Variants in RPS18 observed in about 807,000 individuals in gnomAD.
RPS18 encodes the protein ribosomal protein S18.
For missense variants in RPS18, 49 were observed against 200.8 expected (o/e 0.24, Z 4.57); for synonymous variants, 64 against 70.9 (o/e 0.90, Z 0.49).
chr6:33,275,471 A>T, intron 2 of RPS18: 2 of 305,698 alleles, frequency 6.5e-6, no homozygotes, highest in Non-Finnish European at 1.3e-5. Context: ...ACCTGCCACC[A>T]TGCTCAGCAA....
chr6:33,275,598 C>A (rs551655388), intron 2 of RPS18, 199 bp from the exon 3 acceptor site: 2 of 610,012 alleles, frequency 3.3e-6, no homozygotes, highest in Non-Finnish European at 3.0e-6. Flanking sequence ...GGATTACAGG[C>A]GTGAGCCACT....
At chr6:33,275,410 C>G in intron 2 of RPS18, 1 of 213,318 alleles carries the variant, frequency 4.7e-6, no homozygotes, top group Non-Finnish European at 9.6e-6. Context: ...CCTCCACCTC[C>G]TAGGTTCAAG....
chr6:33,274,887 C>T (rs774222298), intron 2 of RPS18, among the ~76,000 whole-genome samples: 1 of 152,180 alleles, frequency 6.6e-6, no homozygotes, highest in Non-Finnish European at 1.5e-5. Context: ...CTCTCCAAAT[C>T]ACTTTGGTTC....
intron 2 of RPS18, among the ~76,000 whole-genome samples, chr6:33,273,925 TC>T (rs1765459719): frequency 1.3e-5 from 2 of 151,940 alleles, no homozygotes; most frequent in East Asian, 3.9e-4. Context: ...CCTGCTCTCT[TC>T]TGAATCAACC....
intron 1 of RPS18, 107 bp from the exon 2 acceptor site, chr6:33,272,521 C>T (rs1010660630): frequency 6.6e-6 from 5 of 752,352 alleles, no homozygotes; most frequent in Non-Finnish European, 9.9e-6. Flanking sequence ...TGTCTTGCCA[C>T]TTGTGTGACA....
At chr6:33,273,934 A>G (rs1472854604) in intron 2 of RPS18, among the ~76,000 whole-genome samples, 1 of 152,020 alleles carries the variant, frequency 6.6e-6, no homozygotes, top group Non-Finnish European at 1.5e-5. Context: ...TTCTGAATCA[A>G]CCTAATAATT....
chr6:33,275,630 T>C (rs1004002807), intron 2 of RPS18, 167 bp from the exon 3 acceptor site: 25 of 668,194 alleles, frequency 3.7e-5, no homozygotes, highest in Non-Finnish European at 5.7e-5. Flanking sequence ...AAAGTTAACC[T>C]TCTGTCGAAC....
At chr6:33,274,298 T>C (rs901262171) in intron 2 of RPS18, among the ~76,000 whole-genome samples, 2 of 152,164 alleles carry the variant, frequency 1.3e-5, no homozygotes, top group Admixed American at 1.3e-4. Context: ...AGGGCTCAAG[T>C]CAATCCTCCT....
chr6:33,272,101 C>A lies in RPS18; in HGVS notation c.-19C>A, dbSNP rs370675875. On this transcript the variant is annotated 5_prime_UTR_variant, in exon 1 of 6. Coordinates refer to ENST00000439602, the MANE Select transcript of RPS18 (RefSeq NM_022551.3). ...TCTCTTCCACAGGAGGCCTACACGCCGCCGCTTGTGCTGCAGCCATGGTAA... is the reference window on the plus strand; with the variant it reads ...TCTCTTCCACAGGAGGCCTACACGCAGCCGCTTGTGCTGCAGCCATGGTAA... 4 of 1,566,824 alleles carry A rather than the reference C, an allele frequency of 2.6e-6. No individual in the cohort carries two copies. Among genetic ancestry groups the A allele is most frequent in the Non-Finnish European group, 3.5e-6 (4 of 1,155,632 alleles).
At chr6:33,272,214 G>T in intron 1 of RPS18, 92 bp downstream of exon 1, 1 of 1,399,838 alleles carries the variant, frequency 7.1e-7, no homozygotes. Context: ...CTGCCCTGAG[G>T]GCCTGCGACT....
intron 1 of RPS18, 169 bp downstream of exon 1, chr6:33,272,291 G>A: frequency 1.3e-6 from 1 of 783,100 alleles, no homozygotes; most frequent in South Asian, 1.7e-5. Context: ...CCGGAGAGCG[G>A]GCCCGAGGAA....
chr6:33,272,571 CCTTA>C (rs1283110826), intron 1 of RPS18, 53 bp from the exon 2 acceptor site: 2 of 832,738 alleles, frequency 2.4e-6, no homozygotes, highest in Non-Finnish European at 4.3e-6. Context: ...GCCTTATCGG[CCTTA>C]CTGTTTGATA....
intron 2 of RPS18, 25 bp downstream of exon 2, chr6:33,272,751 G>C (rs1445031780): frequency 8.8e-7 from 1 of 1,131,170 alleles, no homozygotes; most frequent in Non-Finnish European, 1.4e-6. Context: ...GTAAGGAATA[G>C]GGAATGTAAA....
chr6:33,272,459 A>G, intron 1 of RPS18, 169 bp from the exon 2 acceptor site: 2 of 665,230 alleles, frequency 3.0e-6, no homozygotes, highest in South Asian at 3.4e-5. Flanking sequence ...CCTACTCTGC[A>G]GGACTGAGGA....
intron 2 of RPS18, 92 bp from the exon 3 acceptor site, chr6:33,275,705 A>T (rs1034142064): frequency 3.5e-6 from 3 of 854,618 alleles, no homozygotes; most frequent in Non-Finnish European, 6.1e-6. Flanking sequence ...AGATTATTGC[A>T]GATCCTACCT....
intron 2 of RPS18, among the ~76,000 whole-genome samples, chr6:33,273,081 T>A (rs944452068): frequency 6.6e-6 from 1 of 152,198 alleles, no homozygotes; most frequent in Non-Finnish European, 1.5e-5. Context: ...ACAGCAACCC[T>A]TCCTGCGAAA....
intron 2 of RPS18, 138 bp from the exon 3 acceptor site, chr6:33,275,659 T>C (rs1205107798): frequency 1.4e-6 from 1 of 717,040 alleles, no homozygotes; most frequent in East Asian, 2.5e-5. Flanking sequence ...TCTGGAAAGG[T>C]GGGTGAGGAA....
chr6:33,276,349 T>C, intron 5 of RPS18, 42 bp from the exon 6 acceptor site: 1 of 1,610,020 alleles, frequency 6.2e-7, no homozygotes, highest in Non-Finnish European at 8.5e-7. Context: ...ACCTTTTGTT[T>C]CTGCTGTGCA....
In RPS18 at chr6:33,274,408, C is replaced by A. The variant is rs1765495614; in HGVS notation, c.103-1389C>A. Reference sequence around the variant, plus strand: ...TCCAGGCTGGTCTTGAACTCCTGGGCTCAGTGATCCTCCAGCCTCAGCCTC... The same window carrying A: ...TCCAGGCTGGTCTTGAACTCCTGGGATCAGTGATCCTCCAGCCTCAGCCTC... On this transcript the variant is annotated intron_variant, in intron 2 of 5. Transcript: ENST00000439602. 2.0e-5 allele frequency among the ~76,000 whole-genome samples: 3 copies of A among 152,012 alleles called. No homozygotes were observed. The South Asian group carries it at 6.2e-4, about 31-fold the overall frequency.
Sources: gnomAD v4.1 joint callset for allele counts (sites outside exome capture counted in the v4.1 genomes callset) on GRCh38, gnomAD v4.1.1 for gene constraint, MANE v1.5 for transcripts, NCBI Gene and HGNC (gene_info 2026-07-23, HGNC 2026-07-21) for gene names.